Variants in ANKRD18A observed in about 807,000 individuals in gnomAD.
The protein encoded by ANKRD18A is ankyrin repeat domain-containing protein 18A.
In ANKRD18A, 72 loss-of-function variants were observed where a neutral mutation model predicts 110.6. The observed-to-expected ratio is 0.65, with a 90% CI of 0.54 to 0.79. The LOEUF is 0.79. ANKRD18A is among the 30% of genes least tolerant of loss of function. The pLI is 0.00. For synonymous variants in ANKRD18A, 305 were observed against 410.3 expected, an observed-to-expected ratio of 0.74 and a Z score of 3.10; for missense variants, 934 against 1,163.3, an observed-to-expected ratio of 0.80 and a Z score of 2.87.
At chr9:38,579,884 T>G (rs1226583061) in intron 12 of ANKRD18A, among the ~76,000 whole-genome samples, 1 of 152,240 alleles carries the variant, frequency 6.6e-6, no homozygotes, top group African/African-American at 2.4e-5. Context: ...CTCATATGTT[T>G]ATTGTAGCTC....
chr9:38,578,680 C>T lies in ANKRD18A; in HGVS notation c.2248-532G>A, dbSNP rs539434542. Among the ~76,000 whole-genome samples the T allele has an allele frequency of 9.6e-3, 1,462 of 152,218 alleles. 17 individuals carry two copies. Among genetic ancestry groups the T allele is most frequent in the Middle Eastern group, 0.024 (7 of 294 alleles). Reference sequence around the variant, plus strand: ...TCACTGGAGGCCAGGAATTTGAGATCAGCCAGAGCAACATAGTGAGACCCC... The same window carrying T: ...TCACTGGAGGCCAGGAATTTGAGATTAGCCAGAGCAACATAGTGAGACCCC... On this transcript the variant is annotated intron_variant, in intron 12 of 15. Transcript: ENST00000399703.
At chr9:38,595,045 T>C (rs1367264891) in intron 9 of ANKRD18A, among the ~76,000 whole-genome samples, 2 of 152,190 alleles carry the variant, frequency 1.3e-5, no homozygotes, top group Admixed American at 6.6e-5. Flanking sequence ...AAACAAAGCA[T>C]GTTTCCAAGC....
At chr9:38,567,817 A>T (rs538836117), downstream of ANKRD18A, 1 of 152,220 alleles carries the variant, frequency 6.6e-6, no homozygotes, top group Admixed American at 6.5e-5. Flanking sequence ...CCACCTTCTG[A>T]TGCTCTTTCT....
chr9:38,571,133 C>A (rs12349568), downstream of ANKRD18A: 81,630 of 1,532,998 alleles, frequency 0.053, 4,124 homozygotes, highest in African/African-American at 0.27. Flanking sequence ...TCAGTGGATG[C>A]GACAGTGGTT....
chr9:38,614,219 G>GTTTTTTTTTTTTTTTTTT (rs58955752), intron 3 of ANKRD18A, among the ~76,000 whole-genome samples: 1 of 68,804 alleles, frequency 1.5e-5, no homozygotes, highest in Non-Finnish European at 2.6e-5. Flanking sequence ...GAACACTGAG[G>GTTTTTTTTTTTTTTTTTT]TTTTTTTTTT....
intron 5 of ANKRD18A, among the ~76,000 whole-genome samples, chr9:38,609,100 A>G (rs1273532564): frequency 6.6e-6 from 1 of 152,176 alleles, no homozygotes; most frequent in Non-Finnish European, 1.5e-5. Flanking sequence ...CTTACTCACT[A>G]TGTGTGTGGG....
chr9:38,594,417 G>C (rs992882337), intron 9 of ANKRD18A, among the ~76,000 whole-genome samples: 1 of 152,112 alleles, frequency 6.6e-6, no homozygotes, highest in Non-Finnish European at 1.5e-5. Context: ...AAGTATCTTT[G>C]TACTGGAAAG....
In ANKRD18A at chr9:38,615,989, G is replaced by T. The variant is rs752913550; in HGVS notation, c.262C>A (p.Leu88Met). Residue 88 changes from leucine (L) to methionine (M), a missense_variant, in exon 2 of 16, where the codon CTG becomes ATG. Coordinates refer to ENST00000399703, the MANE Select transcript of ANKRD18A (RefSeq NM_147195.4). ...ATGTCGATCTGGCATCTTCTGTGCA[G>T]CAAGAGAGTGACCACTTGCACACGG... ...HGRVQVVTLL[L>M]HRRCQIDICD... is the part of the protein sequence containing the mutation. 3.1e-6 allele frequency: 5 copies of T among 1,593,782 alleles called. No homozygotes were observed. Among genetic ancestry groups the T allele is most frequent in the East Asian group, 2.3e-5 (1 of 44,442 alleles).
chr9:38,571,555 A>T lies in ANKRD18A; in HGVS notation c.*490T>A. 9 of 980,634 alleles carry T rather than the reference A, an allele frequency of 9.2e-6. No individual in the cohort carries two copies. Among genetic ancestry groups the T allele is most frequent in the Non-Finnish European group, 1.1e-5 (9 of 817,570 alleles). 60.7% of individuals were successfully genotyped at this position (980,634 alleles called of 1,614,324 possible). ...AGTATCTCCACACAAAATACTATTGAGCTACAAGAAGAAAACCGTAACACT... is the reference window on the plus strand; with the variant it reads ...AGTATCTCCACACAAAATACTATTGTGCTACAAGAAGAAAACCGTAACACT... On this transcript the variant is annotated 3_prime_UTR_variant, in exon 16 of 16. Transcript: ENST00000399703.
intron 12 of ANKRD18A, among the ~76,000 whole-genome samples, chr9:38,581,424 A>G (rs1274970605): frequency 6.6e-6 from 1 of 152,206 alleles, no homozygotes; most frequent in Non-Finnish European, 1.5e-5. Context: ...AAGACACATG[A>G]TTTGAAAAAC....
chr9:38,603,280 C>T (rs1825210402), intron 6 of ANKRD18A, 68 bp from the exon 7 acceptor site: 1 of 1,543,852 alleles, frequency 6.5e-7, no homozygotes, highest in Non-Finnish European at 8.8e-7. Flanking sequence ...CCTTACCTGG[C>T]AAAGTTTCAC....
intron 3 of ANKRD18A, among the ~76,000 whole-genome samples, chr9:38,614,341 G>C (rs1335250858): frequency 6.7e-6 from 1 of 148,462 alleles, no homozygotes; most frequent in African/African-American, 2.5e-5. Context: ...TCCTGACCTC[G>C]TGATCTGCCC....
chr9:38,583,414 T>C (rs1824244976), intron 12 of ANKRD18A, among the ~76,000 whole-genome samples: 1 of 152,152 alleles, frequency 6.6e-6, no homozygotes, highest in African/African-American at 2.4e-5. Flanking sequence ...GACGGAGTCT[T>C]GTTCCGTAGC....
intron 11 of ANKRD18A, among the ~76,000 whole-genome samples, chr9:38,587,371 C>T (rs867223177): frequency 3.3e-5 from 5 of 152,086 alleles, no homozygotes; most frequent in African/African-American, 4.8e-5. Flanking sequence ...GCTTCAAAGA[C>T]ACATTCCATT....
Position 38,596,373 on chromosome 9 carries a change from C to T in ANKRD18A, c.967G>A (p.Ala323Thr). Residue 323 changes from alanine to threonine, a missense_variant, in exon 9 of 16, where the codon GCG becomes ACG. Ala to Thr is a moderately conservative substitution (Grantham distance 58). Around this residue, in one of 4 missense-constraint regions of ANKRD18A, gnomAD observed 630 missense variants for 797.5 expected, o/e 0.79. Transcript: ENST00000399703. ...TTCAACATAAAATTTCCATACATCG[C>T]ATCCTTCTTTTTTCCGTAACTTTGA... Reference protein sequence around the residue: ...DSQSYGKKKDAMYGNFMLKKD... With the variant: ...DSQSYGKKKDTMYGNFMLKKD... 6.8e-7 allele frequency: 1 copy of T among 1,461,908 alleles called. No homozygotes were observed. The highest frequency in any genetic ancestry group is 2.5e-5 in the East Asian group (1 of 39,682). 90.6% of individuals were successfully genotyped at this position (1,461,908 alleles called of 1,614,324 possible). A position where few individuals can be genotyped will look rare whatever the true frequency, so the allele number is the denominator to read the frequency against.
chr9:38,580,638 G>C (rs1490067055), intron 12 of ANKRD18A, among the ~76,000 whole-genome samples: 1 of 150,984 alleles, frequency 6.6e-6, no homozygotes, highest in Non-Finnish European at 1.5e-5. Flanking sequence ...GTAAGAAGTA[G>C]TAAATATGCT....
intron 10 of ANKRD18A, among the ~76,000 whole-genome samples, chr9:38,592,047 T>C (rs1420824618): frequency 6.6e-6 from 1 of 152,236 alleles, no homozygotes; most frequent in East Asian, 1.9e-4. Flanking sequence ...CAGTTTTGGC[T>C]ACATAGTGAA....
At chr9:38,592,783 G>A (rs1214117602) in intron 10 of ANKRD18A, among the ~76,000 whole-genome samples, 3 of 152,056 alleles carry the variant, frequency 2.0e-5, no homozygotes, top group Non-Finnish European at 4.4e-5. Context: ...GCTACAACAT[G>A]GATAAAATTC....
At chr9:38,619,464 A>G (rs148345382) in intron 1 of ANKRD18A, among the ~76,000 whole-genome samples, 2,167 of 152,328 alleles carry the variant, frequency 0.014, 61 homozygotes, top group African/African-American at 0.05. Context: ...TGTGGGAATT[A>G]ATAGCACATT....
Sources: gnomAD v4.1 joint callset for allele counts (sites outside exome capture counted in the v4.1 genomes callset) on GRCh38, gnomAD v4.1.1 for gene constraint, gnomAD v4.1.1 regional missense constraint, MANE v1.5 for transcripts, NCBI Gene and HGNC (gene_info 2026-07-23, HGNC 2026-07-21) for gene names.